Variants in GDPD2 observed in about 807,000 individuals in gnomAD.
GDPD2 encodes the protein glycerophosphodiester phosphodiesterase domain containing 2.
A neutral mutation model predicts 49.2 loss-of-function variants in GDPD2; 23 were observed. That is an observed-to-expected ratio of 0.47 (90% confidence interval 0.34 to 0.66). The LOEUF (loss-of-function observed/expected upper bound fraction) is 0.66, where lower values mean the gene tolerates loss of function less well. Ranked by LOEUF, GDPD2 falls within the 30% of genes least tolerant of loss-of-function variation. The pLI is 0.01. For missense variants in GDPD2, 338 were observed against 424.7 expected, an observed-to-expected ratio of 0.80 and a Z score of 1.79; for synonymous variants, 167 against 171.4, an observed-to-expected ratio of 0.97 and a Z score of 0.20.
chrX:70,428,930 G>C (rs1051386376), intron 10 of GDPD2, among the ~76,000 whole-genome samples: 3 of 112,186 alleles, frequency 2.7e-5, no homozygotes, highest in East Asian at 2.8e-4. Flanking sequence ...GGGAATGGGA[G>C]AGGGAGCAAA....
chrX:70,432,499 G>A (rs1467022150), intron 13 of GDPD2, 45 bp downstream of exon 13: 1 of 1,180,031 alleles, frequency 8.5e-7, no homozygotes, highest in African/African-American at 1.8e-5. Context: ...CCCATCCCTG[G>A]TTTTCCTTAA....
rs757397929 is a variant in GDPD2 at position 70,432,941 on chromosome X, G to C, written c.1567+1G>C. The C allele has an allele frequency of 1.9e-5, 23 of 1,192,955 alleles. No individual in the cohort carries two copies. The highest frequency in any genetic ancestry group is 2.5e-5 in the Non-Finnish European group (22 of 878,630). Reference sequence around the variant, plus strand: ...TTTGTTAAGAAGAGAGGGAAAACTGGTAAGAACTTTCTCCCCTCACCTCAT... The same window carrying C: ...TTTGTTAAGAAGAGAGGGAAAACTGCTAAGAACTTTCTCCCCTCACCTCAT... On this transcript the variant is annotated splice_donor_variant, in intron 15 of 15. Transcript: ENST00000374382. LOFTEE classifies it high-confidence loss of function.
chrX:70,425,555 T>C, intron 3 of GDPD2, 98 bp downstream of exon 3: 2 of 608,202 alleles, frequency 3.3e-6, no homozygotes, highest in Non-Finnish European at 5.7e-6. Context: ...CCCCCAGCCC[T>C]GCCCAGCTGC....
chrX:70,425,241 C>A (rs1196373474), intron 2 of GDPD2, 113 bp from the exon 3 acceptor site: 4 of 667,354 alleles, frequency 6.0e-6, no homozygotes, highest in Admixed American at 2.4e-5. Context: ...AGAGCTGCCC[C>A]CCGAGCAGAG....
At chrX:70,431,110 C>T in intron 12 of GDPD2, 1 of 1,145,264 alleles carries the variant, frequency 8.7e-7, no homozygotes, top group Non-Finnish European at 1.2e-6. Context: ...TAAGCATGAG[C>T]TATCTCACCT....
At chrX:70,432,871 A>C (rs774535350) in intron 14 of GDPD2, 41 bp from the exon 15 acceptor site, 1 of 1,106,399 alleles carries the variant, frequency 9.0e-7, no homozygotes, top group Non-Finnish European at 1.3e-6. Context: ...GGCCTGCTTG[A>C]AGCTAGCTGA....
chrX:70,432,338 C>A lies in GDPD2; in HGVS notation c.1339C>A (p.Leu447Ile), dbSNP rs756658515. 2 of 1,207,621 alleles carry A rather than the reference C, an allele frequency of 1.7e-6. No individual in the cohort carries two copies. Among genetic ancestry groups the A allele is most frequent in the Middle Eastern group, 2.3e-4 (1 of 4,337 alleles). The change falls in exon 13 of 16, where the codon CTA (leucine) becomes ATA (isoleucine). Residue 447 changes from leucine to isoleucine, a missense_variant. Physicochemically the swap from Leu to Ile is conservative, Grantham distance 5 (BLOSUM62 2). Transcript: ENST00000374382. Reference sequence around the variant, plus strand: ...GCATAAGGATAATGTCTCGGTGAACCTATTTGTAGTGAACAAGCCCTGGCT... The same window carrying A: ...GCATAAGGATAATGTCTCGGTGAACATATTTGTAGTGAACAAGCCCTGGCT... The part of the protein sequence containing the change: ...ALHKDNVSVN[L>I]FVVNKPWLFS...
chrX:70,431,051 G>C (rs1268848033), intron 12 of GDPD2: 1 of 980,281 alleles, frequency 1.0e-6, no homozygotes, highest in Admixed American at 2.6e-5. Context: ...GCCTCCCAAA[G>C]TGCTGGGATT....
intron 10 of GDPD2, among the ~76,000 whole-genome samples, chrX:70,429,071 A>G (rs1166933416): frequency 8.9e-6 from 1 of 112,229 alleles, no homozygotes; most frequent in African/African-American, 3.2e-5. Flanking sequence ...GAGGAGGCAG[A>G]CAATTGTAGA....
intron 10 of GDPD2, among the ~76,000 whole-genome samples, chrX:70,428,581 C>T (rs770328507): frequency 1.8e-5 from 2 of 111,925 alleles, no homozygotes; most frequent in African/African-American, 6.5e-5. Context: ...TAACTCTTTA[C>T]ATCATATCAG....
chrX:70,426,854 C>A lies in GDPD2; in HGVS notation c.557-12C>A, dbSNP rs372653039. On this transcript the variant is annotated splice_polypyrimidine_tract_variant and intron_variant, in intron 7 of 15. Transcript: ENST00000374382. ...TGCCCATTCTTGAAAGCCTGTCCCC[C>A]ACTCCCCACAGGTCCCAAGATTCTG... The A allele has an allele frequency of 9.1e-6, 11 of 1,209,208 alleles. No individual in the cohort carries two copies. The highest frequency in any genetic ancestry group is 1.2e-5 in the Non-Finnish European group (11 of 893,129).
At chrX:70,427,998 T>C (rs753668015) in intron 10 of GDPD2, 48 of 112,384 alleles carry the variant, frequency 4.3e-4, no homozygotes, top group African/African-American at 1.6e-3. Flanking sequence ...ATGTTCATTG[T>C]AAAAAGTAAA....
chrX:70,425,904 G>A lies in GDPD2; in HGVS notation c.303+48G>A, dbSNP rs746260746. 3 of 933,419 alleles carry A rather than the reference G, an allele frequency of 3.2e-6. No homozygotes were observed. The Admixed American group carries it at 6.6e-5, about 20-fold the overall frequency. 76.9% of individuals were successfully genotyped at this position (933,419 alleles called of 1,213,427 possible). On this transcript the variant is annotated intron_variant, in intron 4 of 15. Transcript: ENST00000374382. ...TAACCCCACCTCAGCCTTCCTTCCT[G>A]CTTAGTTTTAGCTCCCTATTCTCAT...
chrX:70,429,000 G>A, intron 10 of GDPD2, among the ~76,000 whole-genome samples: 1 of 112,130 alleles, frequency 8.9e-6, no homozygotes, highest in South Asian at 3.7e-4. Flanking sequence ...GGACTGCAGT[G>A]CCAACAGCCC....
intron 12 of GDPD2, among the ~76,000 whole-genome samples, chrX:70,431,536 A>C (rs975079191): frequency 8.9e-6 from 1 of 112,807 alleles, no homozygotes; most frequent in Non-Finnish European, 1.9e-5. Context: ...GGACTACCTG[A>C]ATACAGGCAT....
chrX:70,430,472 G>A (rs1921096563), intron 12 of GDPD2, among the ~76,000 whole-genome samples: 1 of 111,662 alleles, frequency 9.0e-6, no homozygotes, highest in African/African-American at 3.3e-5. Context: ...TGGTCACAGG[G>A]AGCTAACTAT....
In GDPD2 at chrX:70,425,429, C is replaced by G; in HGVS notation, c.181C>G (p.Leu61Val). The G allele has an allele frequency of 8.4e-7, 1 of 1,191,225 alleles. No individual in the cohort carries two copies. The highest frequency in any genetic ancestry group is 1.7e-5 in the African/African-American group (1 of 57,228). The change falls in exon 3 of 16, where the codon CTT becomes GTT. Residue 61 changes from leucine to valine, a missense_variant. Physicochemically the swap from Leu to Val is conservative, Grantham distance 32. This residue lies in a region of GDPD2 where 75 missense variants were observed against 67.6 expected (regional missense o/e 1.11). Coordinates refer to ENST00000374382, the MANE Select transcript of GDPD2 (RefSeq NM_017711.4). ...SLSWLYIGLV[L>V]LNDLHNFNEF... ...GAGCTGGCTGTACATCGGGCTCGTC[C>G]TTCTCAATGACCTGCACAACTTCAA...
chrX:70,431,222 A>G, intron 12 of GDPD2: 2 of 600,266 alleles, frequency 3.3e-6, no homozygotes, highest in Non-Finnish European at 5.3e-6. Flanking sequence ...ATCAGCTGCT[A>G]ATCAACTGCT....
chrX:70,431,047 C>A, intron 12 of GDPD2: 1 of 964,946 alleles, frequency 1.0e-6, no homozygotes, highest in South Asian at 2.1e-5. Context: ...CTCGGCCTCC[C>A]AAAGTGCTGG....
Sources: gnomAD v4.1 joint callset for allele counts (sites outside exome capture counted in the v4.1 genomes callset) on GRCh38, gnomAD v4.1.1 for gene constraint, gnomAD v4.1.1 regional missense constraint, MANE v1.5 for transcripts, NCBI Gene and HGNC (gene_info 2026-07-23, HGNC 2026-07-21) for gene names.